Variants in PREX1 observed in about 807,000 individuals in gnomAD.
PREX1 encodes the protein phosphatidylinositol-3,4,5-trisphosphate dependent Rac exchange factor 1.
A neutral mutation model predicts 198.3 loss-of-function variants in PREX1; 41 were observed. The ratio of observed to expected loss-of-function variants is 0.21; its 90% confidence interval spans 0.16 to 0.27. The LOEUF is 0.27. Among genes scored for constraint, PREX1 ranks in the 10% least tolerant of loss-of-function variants. The probability of loss-of-function intolerance (pLI) is 1.00; values close to 1 mark genes in which losing one functional copy is unlikely to be tolerated. For missense variants in PREX1, 1,620 were observed against 2,200.7 expected, an observed-to-expected ratio of 0.74 and a Z score of 5.28; for synonymous variants, 843 against 887.2, an observed-to-expected ratio of 0.95 and a Z score of 0.89.
Position 48,726,375 on chromosome 20 carries a change from C to T in PREX1, c.536G>A (p.Gly179Glu). The change falls in exon 5 of 40, where the codon GGA becomes GAA. Residue 179 changes from glycine (G) to glutamate (E), a missense_variant. Gly to Glu is a moderately conservative substitution (Grantham distance 98). This residue lies in a region of PREX1 where 488 missense variants were observed against 802.5 expected (regional missense o/e 0.61). Transcript: ENST00000371941. ...AGGGATGTCCGTGGTCTTCCGGCCT[C>T]CCAGAAGCATGCAGCTCTGCAAAGG... is the stretch of plus-strand genomic sequence containing the variant. ...RAFLLSCMLL[G>E]GRKTTDIPLE... The T allele has an allele frequency of 6.2e-7, 1 of 1,613,168 alleles. No individual in the cohort carries two copies.
In PREX1 at chr20:48,649,849, G is replaced by C. The variant is rs1207339328; in HGVS notation, c.3028+147C>G. ...CACAAGGCATAAAGCCACATCTAGA[G>C]ATGCTGTCCCATAAAGAGAGAAGGT... On this transcript the variant is annotated intron_variant, in intron 24 of 39. Coordinates refer to ENST00000371941, the MANE Select transcript of PREX1 (RefSeq NM_020820.4). 6.9e-6 allele frequency: 7 copies of C among 1,007,724 alleles called. No homozygotes were observed. The East Asian group carries it at 1.6e-4, about 22-fold the overall frequency. The allele number at this position is 1,007,724 out of a possible 1,614,324, so 62.4% of individuals were successfully genotyped here.
chr20:48,799,320 A>C (rs1053850570), intron 1 of PREX1, among the ~76,000 whole-genome samples: 1 of 152,136 alleles, frequency 6.6e-6, no homozygotes, highest in African/African-American at 2.4e-5. Flanking sequence ...GAAGCCCCTC[A>C]CAGTCCCCAA....
intron 1 of PREX1, among the ~76,000 whole-genome samples, chr20:48,750,127 C>G (rs1448922338): frequency 3.3e-5 from 5 of 152,152 alleles, no homozygotes; most frequent in Middle Eastern, 3.2e-3. Flanking sequence ...CACTAGCCGT[C>G]CTCAGCCCCT....
chr20:48,722,381 C>A (rs1426724485), intron 5 of PREX1, among the ~76,000 whole-genome samples: 1 of 152,166 alleles, frequency 6.6e-6, no homozygotes, highest in African/African-American at 2.4e-5. Context: ...TGTGATTCCA[C>A]TTGGAGGAAA....
At chr20:48,753,127 C>T (rs1415000749) in intron 1 of PREX1, among the ~76,000 whole-genome samples, 1 of 152,058 alleles carries the variant, frequency 6.6e-6, no homozygotes, top group African/African-American at 2.4e-5. Context: ...TTCCAGGGTC[C>T]CCAGAGCTCT....
the PREX1 span, among the ~76,000 whole-genome samples, chr20:48,885,513 A>G: frequency 6.6e-6 from 1 of 152,134 alleles, no homozygotes; most frequent in Non-Finnish European, 1.5e-5. Context: ...ACAAAACTAA[A>G]CCTACTCTTA....
At chr20:48,708,491 C>G in intron 5 of PREX1, 70 bp from the exon 6 acceptor site, 10 of 1,524,376 alleles carry the variant, frequency 6.6e-6, no homozygotes, top group Admixed American at 1.9e-5. Flanking sequence ...CAGGCCAGAG[C>G]TGAACCCAAG....
At chr20:48,730,485 G>A (rs1483508733) in intron 4 of PREX1, among the ~76,000 whole-genome samples, 1 of 151,648 alleles carries the variant, frequency 6.6e-6, no homozygotes, top group South Asian at 2.1e-4. Flanking sequence ...GACGATGCTA[G>A]AATAGGAAAA....
intron 3 of PREX1, among the ~76,000 whole-genome samples, chr20:48,738,603 T>C (rs1225246165): frequency 2.0e-5 from 3 of 152,172 alleles, no homozygotes; most frequent in African/African-American, 7.2e-5. Context: ...GGGGCTCTGA[T>C]TGCTTTGCCA....
In PREX1 at chr20:48,666,419, C is replaced by T. The variant is rs573941149; in HGVS notation, c.1666-64G>A. Reference sequence around the variant, plus strand: ...CATCCGAGAGGCCATGCATGGCCAACGAGAAGCCCACAACCACCCAAGAAG... The same window carrying T: ...CATCCGAGAGGCCATGCATGGCCAATGAGAAGCCCACAACCACCCAAGAAG... On this transcript the variant is annotated intron_variant, in intron 14 of 39. Coordinates refer to ENST00000371941, the MANE Select transcript of PREX1 (RefSeq NM_020820.4). This position sits in a 1 kb window ranked among gnomAD's most constrained non-coding sequence, Gnocchi z 4.3. The T allele has an allele frequency of 3.8e-4, 528 of 1,389,814 alleles. 4 individuals carry two copies. The highest frequency in any genetic ancestry group is 1.8e-4 in the Middle Eastern group (1 of 5,710). The allele number at this position is 1,389,814 out of a possible 1,614,324, so 86.1% of individuals were successfully genotyped here.
At chr20:48,643,672 T>C (rs1401872575) in intron 27 of PREX1, among the ~76,000 whole-genome samples, 1 of 152,014 alleles carries the variant, frequency 6.6e-6, no homozygotes, top group Non-Finnish European at 1.5e-5. Flanking sequence ...TTTTGTTGTT[T>C]GTTTGTTTGC....
rs758708519 is a variant in PREX1 at position 48,625,930 on chromosome 20, G to A, written c.4938-3C>T. 4 of 1,552,774 alleles carry A rather than the reference G, an allele frequency of 2.6e-6. No homozygotes were observed. The Admixed American group carries it at 8.2e-5, about 32-fold the overall frequency. ...GCGGCTGGCAGAGGCGGTAGAGGCT[G>A]GGGATGGAGGCAAAGAGAATGAGGA... On this transcript the variant is annotated splice_polypyrimidine_tract_variant and splice_region_variant and intron_variant, in intron 39 of 39. Transcript: ENST00000371941.
the PREX1 span, among the ~76,000 whole-genome samples, chr20:48,878,961 T>C: frequency 2.0e-5 from 3 of 152,216 alleles, no homozygotes; most frequent in Non-Finnish European, 4.4e-5. Context: ...AAAACTCACT[T>C]GTGAGTAAAA....
At chr20:48,710,617 G>A (rs566325413) in intron 5 of PREX1, among the ~76,000 whole-genome samples, 28 of 152,222 alleles carry the variant, frequency 1.8e-4, no homozygotes, top group Admixed American at 2.0e-4. Context: ...CTAAATCCCC[G>A]TGCTATTTAC....
At position 48,731,940 on chromosome 20, in the gene PREX1, AGCTG is replaced by A. The variant is rs567968674; in HGVS notation, c.519+2602_519+2605del. Among the ~76,000 whole-genome samples the A allele has an allele frequency of 4.4e-4, 67 of 152,260 alleles. 1 individual carries two copies. The highest frequency in any genetic ancestry group is 1.6e-3 in the African/African-American group (66 of 41,568). On this transcript the variant is annotated intron_variant, in intron 4 of 39. Coordinates refer to ENST00000371941, the MANE Select transcript of PREX1 (RefSeq NM_020820.4). ...GGCATCTTCCTCCTTCCCAGGACCT[AGCTG>A]AACCTGAGGGAATACTGTCAGAGGG... is the stretch of plus-strand genomic sequence containing the variant.
chr20:48,644,425 G>A lies in PREX1; in HGVS notation c.3585C>T (p.Ser1195=), dbSNP rs769369609. The A allele has an allele frequency of 1.9e-5, 30 of 1,613,518 alleles. No individual in the cohort carries two copies. The East Asian group carries it at 2.5e-4, about 13-fold the overall frequency. Residue 1195 remains serine (S), a synonymous_variant, in exon 27 of 40, where the codon AGC becomes AGT. Transcript: ENST00000371941. ...SVRSNSSYLG[S]DEMGSGDELP... is the part of the protein sequence containing the mutation. ...TCCACTCACCAGACCCCATCTCGTC[G>A]CTGCCCAAGTAGGAGCTGTTACTTC...
chr20:48,785,701 C>T (rs1254414636), intron 1 of PREX1, among the ~76,000 whole-genome samples: 3 of 152,218 alleles, frequency 2.0e-5, no homozygotes, highest in Non-Finnish European at 4.4e-5. Flanking sequence ...TTCAAGATGT[C>T]ACCACCTCCA....
At chr20:48,812,065 C>T (rs186668375) in intron 1 of PREX1, among the ~76,000 whole-genome samples, 11 of 152,296 alleles carry the variant, frequency 7.2e-5, no homozygotes, top group South Asian at 4.1e-4. Context: ...CTCCAACAGC[C>T]GGTTTCCAGG....
intron 10 of PREX1, among the ~76,000 whole-genome samples, chr20:48,687,753 G>A (rs1325057637): frequency 6.6e-6 from 1 of 152,160 alleles, no homozygotes; most frequent in Admixed American, 6.5e-5. Flanking sequence ...ATTTTACAAG[G>A]ACTGGATTTC....
Sources: gnomAD v4.1 joint callset for allele counts (sites outside exome capture counted in the v4.1 genomes callset) on GRCh38, gnomAD v4.1.1 for gene constraint, gnomAD v4.1.1 regional missense constraint, Gnocchi (gnomAD v3.1) non-coding constraint, MANE v1.5 for transcripts, NCBI Gene and HGNC (gene_info 2026-07-23, HGNC 2026-07-21) for gene names.